The following GOLIM4 variants were observed in gnomAD, a reference collection of about 807,000 sequenced individuals.
GOLIM4 encodes the protein golgi integral membrane protein 4.
A neutral mutation model predicts 107.4 loss-of-function variants in GOLIM4; 71 were observed. The observed-to-expected ratio is 0.66, with a 90% CI of 0.55 to 0.81. GOLIM4 has a LOEUF of 0.81. GOLIM4 is among the 30% of genes least tolerant of loss of function. The pLI is 0.00. For missense variants in GOLIM4, 830 were observed against 826.1 expected, an observed-to-expected ratio of 1.00 and a Z score of -0.06; for synonymous variants, 327 against 294.8, an observed-to-expected ratio of 1.11 and a Z score of -1.12.
At chr3:168,034,389 T>C (rs1433898061) in intron 8 of GOLIM4, among the ~76,000 whole-genome samples, 1 of 151,982 alleles carries the variant, frequency 6.6e-6, no homozygotes, top group Non-Finnish European at 1.5e-5. Flanking sequence ...GGGCAGAAAA[T>C]AGAACCAACT....
intron 1 of GOLIM4, among the ~76,000 whole-genome samples, chr3:168,068,044 T>A (rs987238062): frequency 6.6e-6 from 1 of 152,164 alleles, no homozygotes; most frequent in Non-Finnish European, 1.5e-5. Context: ...TTTTACACAT[T>A]TTTAACTTCA....
chr3:168,064,674 T>C (rs775347750), intron 1 of GOLIM4, among the ~76,000 whole-genome samples: 1 of 151,368 alleles, frequency 6.6e-6, no homozygotes, highest in East Asian at 1.9e-4. Context: ...TGGCCTGAAA[T>C]GATCCTCCCA....
At chr3:168,010,894 T>G in intron 14 of GOLIM4, 71 bp from the exon 15 acceptor site, 1 of 1,021,660 alleles carries the variant, frequency 9.8e-7, no homozygotes, top group East Asian at 2.4e-5. Context: ...ATTTTGACAC[T>G]GTTATCATTT....
At chr3:168,064,533 T>C (rs16851769) in intron 1 of GOLIM4, among the ~76,000 whole-genome samples, 1,685 of 152,280 alleles carry the variant, frequency 0.011, 30 homozygotes, top group African/African-American at 0.039. Context: ...TAGGAATTCA[T>C]TGGCAACCTC....
chr3:168,090,322 C>A (rs1173512193), intron 1 of GOLIM4, among the ~76,000 whole-genome samples: 2 of 146,872 alleles, frequency 1.4e-5, no homozygotes, highest in South Asian at 4.2e-4. Context: ...ACTCAAGCAG[C>A]TTGACAAGAA....
chr3:168,035,037 C>CAAAAAAAAAAAA (rs796736692), intron 8 of GOLIM4, among the ~76,000 whole-genome samples: 4 of 66,580 alleles, frequency 6.0e-5, no homozygotes, highest in Non-Finnish European at 1.2e-4. Context: ...AACAATCATA[C>CAAAAAAAAAAAA]AAAAAAAAAA....
chr3:168,093,030 G>A (rs1437170759), intron 1 of GOLIM4, among the ~76,000 whole-genome samples: 5 of 152,056 alleles, frequency 3.3e-5, no homozygotes, highest in Non-Finnish European at 5.9e-5. Flanking sequence ...AACAAAAGTT[G>A]TATATTTTAA....
intron 14 of GOLIM4, among the ~76,000 whole-genome samples, chr3:168,012,471 T>C (rs1393767295): frequency 8.2e-5 from 12 of 146,892 alleles, no homozygotes; most frequent in African/African-American, 3.3e-4. Flanking sequence ...CTCTGCAGGA[T>C]ATTATCCAGG....
intron 13 of GOLIM4, 21 bp from the exon 14 acceptor site, chr3:168,024,615 G>C: frequency 1.9e-6 from 3 of 1,594,068 alleles, no homozygotes; most frequent in South Asian, 2.2e-5. Context: ...CAAAAGGGCA[G>C]GTTCATGTTA....
At chr3:168,011,943 A>G (rs1208342342) in intron 14 of GOLIM4, among the ~76,000 whole-genome samples, 2 of 148,184 alleles carry the variant, frequency 1.3e-5, no homozygotes, top group African/African-American at 2.6e-5. Context: ...AAAGATGGGG[A>G]AAAAACAGAA....
At position 168,030,043 on chromosome 3, in the gene GOLIM4, T is replaced by A; in HGVS notation, c.1177-7A>T. 1.2e-6 allele frequency: 2 copies of A among 1,612,990 alleles called. No homozygotes were observed. Among genetic ancestry groups the A allele is most frequent in the South Asian group, 2.2e-5 (2 of 91,040 alleles). ...GCTTGGCTGAAGGGTACACCTAGGG[T>A]GAAAAAGAGTTGGTGCAGAGCAAGA... On this transcript the variant is annotated splice_polypyrimidine_tract_variant and splice_region_variant and intron_variant, in intron 9 of 15. Transcript: ENST00000470487.
intron 1 of GOLIM4, among the ~76,000 whole-genome samples, chr3:168,078,112 T>C (rs1262836878): frequency 6.6e-6 from 1 of 152,114 alleles, no homozygotes; most frequent in Non-Finnish European, 1.5e-5. Context: ...TGAATACCAA[T>C]ATTTTTAGGG....
chr3:168,049,776 T>A (rs528449103), intron 1 of GOLIM4, among the ~76,000 whole-genome samples: 1 of 152,300 alleles, frequency 6.6e-6, no homozygotes, highest in South Asian at 2.1e-4. Context: ...TTCTCCATTG[T>A]TATGATGGCC....
At chr3:168,058,577 A>T (rs7620784) in intron 1 of GOLIM4, among the ~76,000 whole-genome samples, 6 of 152,106 alleles carry the variant, frequency 3.9e-5, no homozygotes, top group Non-Finnish European at 8.8e-5. Context: ...ACAAAAGCTT[A>T]TAACAAATAA....
At chr3:168,039,534 G>A (rs1231468972) in intron 7 of GOLIM4, among the ~76,000 whole-genome samples, 1 of 152,140 alleles carries the variant, frequency 6.6e-6, no homozygotes, top group East Asian at 1.9e-4. Context: ...AAAGTGCTGG[G>A]ATTACAGGCA....
chr3:168,085,669 G>C (rs1254474778), intron 1 of GOLIM4, among the ~76,000 whole-genome samples: 1 of 152,086 alleles, frequency 6.6e-6, no homozygotes, highest in Admixed American at 6.6e-5. Flanking sequence ...TCACGAAAAA[G>C]GAAAGATGAC....
intron 1 of GOLIM4, among the ~76,000 whole-genome samples, chr3:168,058,291 G>C (rs1223575851): frequency 6.6e-6 from 1 of 152,164 alleles, no homozygotes; most frequent in Non-Finnish European, 1.5e-5. Flanking sequence ...TTCTTTTGTG[G>C]ATAAAACTAT....
chr3:168,080,951 T>C (rs1383818830), intron 1 of GOLIM4, among the ~76,000 whole-genome samples: 1 of 152,190 alleles, frequency 6.6e-6, no homozygotes, highest in Non-Finnish European at 1.5e-5. Flanking sequence ...TAGGAGTGAT[T>C]TGACTTTGAC....
At position 168,095,522 on chromosome 3, in the gene GOLIM4, T is replaced by G. The variant is rs551821828; in HGVS notation, c.-237A>C. 2.1e-6 allele frequency: 1 copy of G among 483,940 alleles called. No individual in the cohort carries two copies. Among genetic ancestry groups the G allele is most frequent in the Admixed American group, 4.2e-5 (1 of 23,646 alleles). 30.0% of individuals were successfully genotyped at this position (483,940 alleles called of 1,614,324 possible). A position where few individuals can be genotyped will look rare whatever the true frequency, so the allele number is the denominator to read the frequency against. On this transcript the variant is annotated 5_prime_UTR_variant, in exon 1 of 16. Transcript: ENST00000470487. ...AGCCAAACTTCTGCGAGGCTCGTTC[T>G]CCGCGAATGCCCGGGGCCGGGAGGA...
Sources: gnomAD v4.1 joint callset for allele counts (sites outside exome capture counted in the v4.1 genomes callset) on GRCh38, gnomAD v4.1.1 for gene constraint, MANE v1.5 for transcripts, NCBI Gene and HGNC (gene_info 2026-07-23, HGNC 2026-07-21) for gene names.